Variants in DZIP1 observed in about 807,000 individuals in gnomAD.
DZIP1 encodes the protein DAZ interacting zinc finger protein 1.
DZIP1 carries 97 observed loss-of-function variants against 107.6 expected under a neutral mutation model. The observed-to-expected ratio is 0.90, with a 90% CI of 0.77 to 1.07. The LOEUF is 1.07. Ranked by LOEUF, DZIP1 falls within the 50% of genes least tolerant of loss-of-function variation. The pLI is 0.00. For missense variants in DZIP1, 1,035 were observed against 1,063.6 expected, an observed-to-expected ratio of 0.97 and a Z score of 0.37; for synonymous variants, 390 against 386.4, an observed-to-expected ratio of 1.01 and a Z score of -0.11.
chr13:95,588,284 C>T (rs551172423), intron 19 of DZIP1, among the ~76,000 whole-genome samples: 42 of 152,174 alleles, frequency 2.8e-4, no homozygotes, highest in Non-Finnish European at 4.3e-4. Context: ...GATTCATTCA[C>T]ACCACATCCC....
At chr13:95,625,782 C>A (rs1434840404) in intron 7 of DZIP1, among the ~76,000 whole-genome samples, 1 of 151,936 alleles carries the variant, frequency 6.6e-6, no homozygotes, top group East Asian at 1.9e-4. Flanking sequence ...GAGATGCAGC[C>A]AAATCAGTGC....
chr13:95,621,242 G>C (rs1262255233), intron 9 of DZIP1, among the ~76,000 whole-genome samples: 2 of 152,200 alleles, frequency 1.3e-5, no homozygotes, highest in African/African-American at 2.4e-5. Context: ...AGACAGAAGG[G>C]CATGTTCTGA....
intron 14 of DZIP1, among the ~76,000 whole-genome samples, chr13:95,605,799 T>C (rs2044754240): frequency 6.6e-6 from 1 of 152,234 alleles, no homozygotes; most frequent in Non-Finnish European, 1.5e-5. Flanking sequence ...ATATACACCT[T>C]TTATACTTTA....
rs1031400846 is a variant in DZIP1 at position 95,610,241 on chromosome 13, C to T, written c.1364-728G>A. Among the ~76,000 whole-genome samples, 4 of 152,070 alleles carry T rather than the reference C, an allele frequency of 2.6e-5. No individual in the cohort carries two copies. In the East Asian group the frequency reaches 5.8e-4, roughly 22 times the overall value. On this transcript the variant is annotated intron_variant, in intron 12 of 22. Coordinates refer to ENST00000376829, the MANE Select transcript of DZIP1 (RefSeq NM_198968.4). ...CATTAAACTTAGAACAAACCTGTAA[C>T]CCCCAAACAGCCACAGTTGAGAATA...
chr13:95,613,805 T>C (rs993097685), intron 10 of DZIP1, among the ~76,000 whole-genome samples: 2 of 152,142 alleles, frequency 1.3e-5, no homozygotes, highest in African/African-American at 4.8e-5. Flanking sequence ...AGTCACTGGC[T>C]CTAATTGAGA....
intron 5 of DZIP1, 122 bp from the exon 6 acceptor site, chr13:95,633,443 G>A (rs991397606): frequency 2.5e-6 from 2 of 788,684 alleles, no homozygotes; most frequent in Non-Finnish European, 4.2e-6. Context: ...AGCACTTTAG[G>A]AGGTCAAGGT....
chr13:95,609,148 A>G (rs975426027), intron 13 of DZIP1, among the ~76,000 whole-genome samples: 1 of 138,430 alleles, frequency 7.2e-6, no homozygotes, highest in African/African-American at 2.8e-5. Context: ...ACACAGTCGC[A>G]TAGTGTATCA....
chr13:95,631,721 A>G (rs1204485424), intron 6 of DZIP1, among the ~76,000 whole-genome samples: 2 of 152,116 alleles, frequency 1.3e-5, no homozygotes, highest in Non-Finnish European at 2.9e-5. Context: ...ATCAAATGAA[A>G]CAAAGTTGTC....
rs180994541 is a variant in DZIP1, at chr13:95,626,616, A to T, written c.811-1687T>A. 1.8e-4 allele frequency among the ~76,000 whole-genome samples: 28 copies of T among 152,306 alleles called. No homozygotes were observed. In the South Asian group the frequency reaches 1.9e-3, roughly 10 times the overall value. On this transcript the variant is annotated intron_variant, in intron 7 of 22. Coordinates refer to ENST00000376829, the MANE Select transcript of DZIP1 (RefSeq NM_198968.4). ...ACTGGTGAATTCTACCAACTATTTTAAAAAAATAACATAGAATCCATAAGA... is the reference window on the plus strand; with the variant it reads ...ACTGGTGAATTCTACCAACTATTTTTAAAAAATAACATAGAATCCATAAGA...
chr13:95,590,237 T>C, intron 17 of DZIP1, 42 bp downstream of exon 17: 2 of 1,504,306 alleles, frequency 1.3e-6, no homozygotes. Flanking sequence ...AAAGAAAAAG[T>C]TGTTAAATTA....
At chr13:95,596,571 CT>C (rs1042716219) in intron 15 of DZIP1, among the ~76,000 whole-genome samples, 17 of 152,184 alleles carry the variant, frequency 1.1e-4, no homozygotes, top group African/African-American at 3.9e-4. Flanking sequence ...TCCATTTGCT[CT>C]CTGCACTAAA....
chr13:95,589,270 T>A, intron 18 of DZIP1, 63 bp from the exon 19 acceptor site: 1 of 1,337,120 alleles, frequency 7.5e-7, no homozygotes, highest in African/African-American at 1.5e-5. Flanking sequence ...TTCACATACA[T>A]TTCTATGGAA....
At chr13:95,612,568 A>G (rs1346140054) in intron 10 of DZIP1, among the ~76,000 whole-genome samples, 5 of 152,052 alleles carry the variant, frequency 3.3e-5, no homozygotes, top group African/African-American at 1.2e-4. Context: ...TAGGCCAGAG[A>G]GCACATCTTA....
intron 12 of DZIP1, among the ~76,000 whole-genome samples, chr13:95,610,111 T>TGTGTGAGAGAGA (rs368276400): frequency 3.6e-4 from 46 of 126,766 alleles, no homozygotes; most frequent in East Asian, 2.7e-3. Context: ...TGTGTGTGTG[T>TGTGTGAGAGAGA]GAGAGAGAGA....
intron 8 of DZIP1, 56 bp downstream of exon 8, chr13:95,624,712 T>G: frequency 6.7e-7 from 1 of 1,501,038 alleles, no homozygotes; most frequent in Non-Finnish European, 9.1e-7. Flanking sequence ...AATGCCATCC[T>G]AACACCACCT....
chr13:95,642,624 T>C (rs984134250), intron 3 of DZIP1, among the ~76,000 whole-genome samples: 3 of 152,200 alleles, frequency 2.0e-5, no homozygotes, highest in African/African-American at 7.2e-5. Flanking sequence ...CAAAAGGGCA[T>C]GAGGAAGCTT....
At position 95,580,677 on chromosome 13, in the gene DZIP1, G is replaced by A. The variant is rs1438995805; in HGVS notation, c.*1557C>T. 1 of 152,200 alleles carries A rather than the reference G, an allele frequency of 6.6e-6. No homozygotes were observed. The highest frequency in any genetic ancestry group is 1.9e-4 in the East Asian group (1 of 5,200). 9.4% of individuals were successfully genotyped at this position (152,200 alleles called of 1,614,324 possible). On this transcript the variant is annotated 3_prime_UTR_variant, in exon 23 of 23. Transcript: ENST00000376829. ...CGTGTTCAAAACCAAACCAGACCAA[G>A]TGGTTCAATAAATATCTGCTGAATA...
At chr13:95,606,383 A>G (rs1352092952) in intron 13 of DZIP1, among the ~76,000 whole-genome samples, 1 of 151,806 alleles carries the variant, frequency 6.6e-6, no homozygotes, top group Non-Finnish European at 1.5e-5. Context: ...TACCCATCAC[A>G]CCTCATTTCT....
At chr13:95,637,786 A>G (rs908135546) in intron 5 of DZIP1, among the ~76,000 whole-genome samples, 1 of 152,084 alleles carries the variant, frequency 6.6e-6, no homozygotes, top group African/African-American at 2.4e-5. Context: ...GAGAAAATAC[A>G]TTTCTGTTGT....
Sources: allele counts gnomAD v4.1 joint callset (sites outside exome capture counted in the v4.1 genomes callset), GRCh38; gene constraint gnomAD v4.1.1; transcripts MANE v1.5; gene names NCBI Gene and HGNC (gene_info 2026-07-23, HGNC 2026-07-21).